Variants in PXDNL observed in about 807,000 individuals in gnomAD.
PXDNL encodes the protein probable oxidoreductase PXDNL.
In PXDNL, 145 loss-of-function variants were observed where a neutral mutation model predicts 150.8. The observed-to-expected ratio is 0.96, with a 90% CI of 0.84 to 1.10. PXDNL has a LOEUF of 1.10. PXDNL is among the 50% of genes least tolerant of loss of function. The pLI is 0.00. For synonymous variants in PXDNL, 757 were observed against 725.7 expected (o/e 1.04, Z -0.69); for missense variants, 2,087 against 1,873.9 (o/e 1.11, Z -2.10).
intron 1 of PXDNL, among the ~76,000 whole-genome samples, chr8:51,734,138 T>C (rs1816989133): frequency 6.6e-6 from 1 of 152,010 alleles, no homozygotes; most frequent in Non-Finnish European, 1.5e-5. Flanking sequence ...CTTTGAAAGA[T>C]CAATAGCATA....
At position 51,595,697 on chromosome 8, in the gene PXDNL, T is replaced by C. The variant is rs139303094; in HGVS notation, c.237-2999A>G. On this transcript the variant is annotated intron_variant, in intron 2 of 22. Transcript: ENST00000356297. ...AGCATAAACCATTATTCTGGAGTGA[T>C]TTGCATAGTCACCAAGCAAGAGATT... 2.5e-3 allele frequency among the ~76,000 whole-genome samples: 388 copies of C among 152,254 alleles called. 1 individual carries two copies. Among genetic ancestry groups the C allele is most frequent in the African/African-American group, 8.9e-3 (368 of 41,556 alleles).
intron 4 of PXDNL, among the ~76,000 whole-genome samples, chr8:51,519,972 C>A (rs961816616): frequency 5.9e-5 from 9 of 152,164 alleles, no homozygotes; most frequent in Admixed American, 3.3e-4. Flanking sequence ...CGGAACACCG[C>A]AGGATGCAAC....
At chr8:51,422,202 C>T (rs750570788) in intron 14 of PXDNL, among the ~76,000 whole-genome samples, 6 of 151,960 alleles carry the variant, frequency 3.9e-5, no homozygotes, top group Non-Finnish European at 7.4e-5. Flanking sequence ...CCCACTGATT[C>T]TACATTATGG....
intron 9 of PXDNL, among the ~76,000 whole-genome samples, chr8:51,454,160 C>T (rs1168210363): frequency 2.6e-5 from 4 of 152,122 alleles, no homozygotes; most frequent in Admixed American, 2.6e-4. Flanking sequence ...AATAAAAGTG[C>T]TAAGTTTAAG....
intron 3 of PXDNL, among the ~76,000 whole-genome samples, chr8:51,578,981 T>C (rs1214975328): frequency 2.0e-5 from 3 of 152,012 alleles, no homozygotes; most frequent in Non-Finnish European, 2.9e-5. Flanking sequence ...GAATTAAATG[T>C]AAATATGTAA....
chr8:51,665,913 G>A (rs1815375865), intron 1 of PXDNL, among the ~76,000 whole-genome samples: 1 of 152,154 alleles, frequency 6.6e-6, no homozygotes, highest in South Asian at 2.1e-4. Context: ...CAATAGTCTG[G>A]AACTGTCAAC....
intron 12 of PXDNL, among the ~76,000 whole-genome samples, chr8:51,439,037 T>C (rs1389005284): frequency 6.6e-6 from 1 of 152,104 alleles, no homozygotes; most frequent in Non-Finnish European, 1.5e-5. Flanking sequence ...TGACCAAGAA[T>C]CCAAAAGCAA....
At chr8:51,774,349 C>T (rs760558782) in intron 1 of PXDNL, among the ~76,000 whole-genome samples, 2 of 152,180 alleles carry the variant, frequency 1.3e-5, no homozygotes, top group African/African-American at 2.4e-5. Context: ...TTTTTACTAA[C>T]TATCATTTTT....
At chr8:51,808,872 A>C (rs2037705459) in intron 1 of PXDNL, among the ~76,000 whole-genome samples, 1 of 152,228 alleles carries the variant, frequency 6.6e-6, no homozygotes, top group South Asian at 2.1e-4. Flanking sequence ...GATGAATAGG[A>C]ATAAATTGAG....
chr8:51,493,096 C>T (rs548581307), intron 5 of PXDNL, among the ~76,000 whole-genome samples: 14 of 152,274 alleles, frequency 9.2e-5, no homozygotes, highest in Non-Finnish European at 1.6e-4. Context: ...TCCAGAGGAA[C>T]GATCAGGCAG....
At chr8:51,490,978 C>A (rs540465149) in intron 5 of PXDNL, among the ~76,000 whole-genome samples, 2 of 152,168 alleles carry the variant, frequency 1.3e-5, no homozygotes, top group South Asian at 2.1e-4. Flanking sequence ...AGTCAGTGAA[C>A]TGGGAAAGGC....
chr8:51,770,733 C>A (rs555261046), intron 1 of PXDNL, among the ~76,000 whole-genome samples: 4 of 152,278 alleles, frequency 2.6e-5, no homozygotes, highest in Admixed American at 6.5e-5. Flanking sequence ...GTCTTCATAG[C>A]AAATTAAGGT....
At chr8:51,643,759 C>T (rs1814833060) in intron 2 of PXDNL, among the ~76,000 whole-genome samples, 1 of 152,094 alleles carries the variant, frequency 6.6e-6, no homozygotes, top group African/African-American at 2.4e-5. Flanking sequence ...AACAGGCAAC[C>T]TACAGAATGG....
chr8:51,682,789 G>T (rs752003545), intron 1 of PXDNL, among the ~76,000 whole-genome samples: 5 of 152,086 alleles, frequency 3.3e-5, no homozygotes, highest in Non-Finnish European at 5.9e-5. Context: ...TAAAGCAGTG[G>T]TTCTCAATCC....
chr8:51,403,670 A>C (rs1304904677), intron 17 of PXDNL, among the ~76,000 whole-genome samples: 1 of 152,208 alleles, frequency 6.6e-6, no homozygotes, highest in East Asian at 1.9e-4. Context: ...CAGGTCTTTC[A>C]CAGACAGCTG....
chr8:51,544,004 C>T (rs56731862), intron 4 of PXDNL, among the ~76,000 whole-genome samples: 1 of 152,112 alleles, frequency 6.6e-6, no homozygotes, highest in Admixed American at 6.6e-5. Context: ...ACAGTGCTTT[C>T]TAAGAACATA....
chr8:51,437,780 A>G (rs570808159), intron 12 of PXDNL, among the ~76,000 whole-genome samples: 4 of 152,228 alleles, frequency 2.6e-5, no homozygotes, highest in South Asian at 4.1e-4. Flanking sequence ...AACTACTTCT[A>G]TTCAACATAG....
chr8:51,533,915 G>A (rs1811977559), intron 4 of PXDNL, among the ~76,000 whole-genome samples: 1 of 151,190 alleles, frequency 6.6e-6, no homozygotes, highest in South Asian at 2.1e-4. Flanking sequence ...ACCCCGTCTG[G>A]GAAGTGAGGA....
At chr8:51,637,048 C>T (rs1249750383) in intron 2 of PXDNL, among the ~76,000 whole-genome samples, 1 of 152,158 alleles carries the variant, frequency 6.6e-6, no homozygotes, top group African/African-American at 2.4e-5. Flanking sequence ...ATTCACTGCT[C>T]TGCAGCCTCC....
Sources: allele counts gnomAD v4.1 joint callset (sites outside exome capture counted in the v4.1 genomes callset), GRCh38; gene constraint gnomAD v4.1.1; transcripts MANE v1.5; gene names NCBI Gene and HGNC (gene_info 2026-07-23, HGNC 2026-07-21).